Variants in C14orf119 observed in about 807,000 individuals in gnomAD.
C14orf119 encodes chromosome 14 open reading frame 119.
Under a neutral mutation model 13.5 loss-of-function variants are expected in C14orf119, and 17 were observed. The ratio of observed to expected loss-of-function variants is 1.26; its 90% CI spans 0.86 to 1.88. The LOEUF (loss-of-function observed/expected upper bound fraction) is 1.88. Among genes scored for constraint, C14orf119 ranks in the 40% most tolerant of loss-of-function variants. C14orf119 has a pLI of 0.00. For missense variants in C14orf119, 162 were observed against 165.9 expected (o/e 0.98, Z 0.13); for synonymous variants, 61 against 61.9 (o/e 0.99, Z 0.07).
At position 23,098,099 on chromosome 14, in the gene C14orf119, G is replaced by A. The variant is rs775343837; in HGVS notation, c.*18G>A. The A allele has an allele frequency of 2.5e-6, 4 of 1,605,360 alleles. No homozygotes were observed. The highest frequency in any genetic ancestry group is 3.4e-6 in the Non-Finnish European group (4 of 1,174,564). ...AGGACTGATAGGCATTCAGACCAAAGAAGATAACCATAGCTGATGGAGCCA... is the reference window on the plus strand; with the variant it reads ...AGGACTGATAGGCATTCAGACCAAAAAAGATAACCATAGCTGATGGAGCCA... On this transcript the variant is annotated 3_prime_UTR_variant, in exon 2 of 2. Coordinates refer to ENST00000319074, the MANE Select transcript of C14orf119 (RefSeq NM_017924.4).
rs563860488 is a variant in C14orf119, at chr14:23,099,802, A to G, written c.*1721A>G. 14 of 209,398 alleles carry G rather than the reference A, an allele frequency of 6.7e-5. No homozygotes were observed. The highest frequency in any genetic ancestry group is 4.2e-4 in the Admixed American group (7 of 16,562). The allele number at this position is 209,398 out of a possible 1,614,324, so 13.0% of individuals were successfully genotyped here. On this transcript the variant is annotated 3_prime_UTR_variant, in exon 2 of 2. Coordinates refer to ENST00000319074, the MANE Select transcript of C14orf119 (RefSeq NM_017924.4). ...CAAGCATTAAGCTAAACAGGAAATC[A>G]TTAAGAGGGACTATCGAACCTTAAA... is the stretch of plus-strand genomic sequence containing the variant.
In C14orf119 at chr14:23,095,593, C is replaced by A. The variant is rs2048357547; in HGVS notation, c.-28C>A. 2 of 374,800 alleles carry A rather than the reference C, an allele frequency of 5.3e-6. No homozygotes were observed. Among genetic ancestry groups the A allele is most frequent in the Admixed American group, 4.4e-5 (1 of 22,766 alleles). 23.2% of individuals were successfully genotyped at this position (374,800 alleles called of 1,614,324 possible). ...GAGTCTAAGGACTCGTGACAATCTT[C>A]GGGTGCCCTTCGAGAGAAAAGGGGA... is the stretch of plus-strand genomic sequence containing the variant. On this transcript the variant is annotated 5_prime_UTR_variant, in exon 1 of 2. Transcript: ENST00000319074.
In C14orf119 at chr14:23,097,946, A is replaced by G. The variant is rs2048398997; in HGVS notation, c.288A>G (p.Leu96=). 3 of 1,614,194 alleles carry G rather than the reference A, an allele frequency of 1.9e-6. No homozygotes were observed. Among genetic ancestry groups the G allele is most frequent in the Non-Finnish European group, 1.7e-6 (2 of 1,180,016 alleles). The change falls in exon 2 of 2, where the codon CTA becomes CTG. Residue 96 remains leucine, a synonymous_variant. Coordinates refer to ENST00000319074, the MANE Select transcript of C14orf119 (RefSeq NM_017924.4). ...CACCTTCTATCTTTGAGTGCCAGCTACATCTTTGGGATCAGTGGTTTCGAG... is the reference window on the plus strand; with the variant it reads ...CACCTTCTATCTTTGAGTGCCAGCTGCATCTTTGGGATCAGTGGTTTCGAG... ...DRPPSIFECQ[L]HLWDQWFRGW... is the part of the protein sequence containing the mutation.
chr14:23,096,508 CAAA>C (rs61586635), intron 1 of C14orf119, among the ~76,000 whole-genome samples: 34 of 62,654 alleles, frequency 5.4e-4, no homozygotes, highest in South Asian at 4.0e-3. Context: ...GACTCCGTCT[CAAA>C]AAAAAAAAAA....
In C14orf119 at chr14:23,099,248, C is replaced by G. The variant is rs750664641; in HGVS notation, c.*1167C>G. 8 of 413,298 alleles carry G rather than the reference C, an allele frequency of 1.9e-5. No individual in the cohort carries two copies. The highest frequency in any genetic ancestry group is 1.3e-4 in the South Asian group (1 of 7,816). 25.6% of individuals were successfully genotyped at this position (413,298 alleles called of 1,614,324 possible). On this transcript the variant is annotated 3_prime_UTR_variant, in exon 2 of 2. Transcript: ENST00000319074. The stretch of plus-strand genomic sequence containing the variant: ...TCCAGTTGTCTCACAAGAAATTATT[C>G]TCTTCCTTACCCCCTGTCATGTTCT...
At position 23,098,215 on chromosome 14, in the gene C14orf119, A is replaced by G; in HGVS notation, c.*134A>G. The stretch of plus-strand genomic sequence containing the variant: ...CAGCTGACCGAACTCACTGACCAGT[A>G]CAGGCATGGTTATTTCAACATTAAT... On this transcript the variant is annotated 3_prime_UTR_variant, in exon 2 of 2. Transcript: ENST00000319074. 1.2e-6 allele frequency: 1 copy of G among 852,678 alleles called. No individual in the cohort carries two copies. The highest frequency in any genetic ancestry group is 1.8e-6 in the Non-Finnish European group (1 of 547,746). The allele number at this position is 852,678 out of a possible 1,614,324, so 52.8% of individuals were successfully genotyped here.
At position 23,099,366 on chromosome 14, in the gene C14orf119, A is replaced by C; in HGVS notation, c.*1285A>C. On this transcript the variant is annotated 3_prime_UTR_variant, in exon 2 of 2. Coordinates refer to ENST00000319074, the MANE Select transcript of C14orf119 (RefSeq NM_017924.4). ...AAGAGGCAGATGGTCTCACAGGAAG[A>C]GTGGCTCTTTTCTGGTAGGCTGTGG... 2.4e-6 allele frequency: 1 copy of C among 413,432 alleles called. No homozygotes were observed. 25.6% of individuals were successfully genotyped at this position (413,432 alleles called of 1,614,324 possible). A position where few individuals can be genotyped will look rare whatever the true frequency, so the allele number is the denominator to read the frequency against.
Position 23,095,556 on chromosome 14 carries a change from C to T in C14orf119, c.-65C>T, listed in dbSNP as rs1454368317. 6.3e-6 allele frequency: 3 copies of T among 473,332 alleles called. No individual in the cohort carries two copies. The highest frequency in any genetic ancestry group is 5.5e-5 in the South Asian group (2 of 36,042). The allele number at this position is 473,332 out of a possible 1,614,324, so 29.3% of individuals were successfully genotyped here. A position where few individuals can be genotyped will look rare whatever the true frequency, so the allele number is the denominator to read the frequency against. On this transcript the variant is annotated 5_prime_UTR_variant, in exon 1 of 2. Coordinates refer to ENST00000319074, the MANE Select transcript of C14orf119 (RefSeq NM_017924.4). ...GGGTTTTCAGGAAATTTGGAAGCTG[C>T]CGCAGTAGTTGGAGTCTAAGGACTC...
At position 23,098,412 on chromosome 14, in the gene C14orf119, C is replaced by T. The variant is rs989227452; in HGVS notation, c.*331C>T. 1 of 271,874 alleles carries T rather than the reference C, an allele frequency of 3.7e-6. No homozygotes were observed. The highest frequency in any genetic ancestry group is 2.2e-5 in the African/African-American group (1 of 46,472). 16.8% of individuals were successfully genotyped at this position (271,874 alleles called of 1,614,324 possible). Reference sequence around the variant, plus strand: ...CATTGTAACTCAAGTCCACTGCTGGCTCATGAAATGTGTAAAGTAGAACCC... The same window carrying T: ...CATTGTAACTCAAGTCCACTGCTGGTTCATGAAATGTGTAAAGTAGAACCC... On this transcript the variant is annotated 3_prime_UTR_variant, in exon 2 of 2. Coordinates refer to ENST00000319074, the MANE Select transcript of C14orf119 (RefSeq NM_017924.4).
At chr14:23,097,137 C>T (rs772952764) in intron 1 of C14orf119, among the ~76,000 whole-genome samples, 1 of 151,546 alleles carries the variant, frequency 6.6e-6, no homozygotes, top group African/African-American at 2.4e-5. Flanking sequence ...ATTTCAGAGG[C>T]TTATATGCAC....
Position 23,099,130 on chromosome 14 carries a change from C to G in C14orf119, c.*1049C>G, listed in dbSNP as rs1005799973. On this transcript the variant is annotated 3_prime_UTR_variant, in exon 2 of 2. Coordinates refer to ENST00000319074, the MANE Select transcript of C14orf119 (RefSeq NM_017924.4). ...GATCTTTAGAACTGTAAAACTTCAC[C>G]CTTTTTTCATTGCCAGGCTATATAA... 2.4e-5 allele frequency: 10 copies of G among 410,014 alleles called. No individual in the cohort carries two copies. The East Asian group carries it at 3.6e-4, about 15-fold the overall frequency. The allele number at this position is 410,014 out of a possible 1,614,324, so 25.4% of individuals were successfully genotyped here.
intron 1 of C14orf119, among the ~76,000 whole-genome samples, chr14:23,096,814 C>T (rs2030597225): frequency 6.6e-6 from 1 of 152,030 alleles, no homozygotes; most frequent in South Asian, 2.1e-4. Context: ...TGGGCTCAAG[C>T]GATCCTCTTG....
chr14:23,098,177 C>T lies in C14orf119; in HGVS notation c.*96C>T. The T allele has an allele frequency of 7.3e-7, 1 of 1,370,984 alleles. No homozygotes were observed. 84.9% of individuals were successfully genotyped at this position (1,370,984 alleles called of 1,614,324 possible). On this transcript the variant is annotated 3_prime_UTR_variant, in exon 2 of 2. Coordinates refer to ENST00000319074, the MANE Select transcript of C14orf119 (RefSeq NM_017924.4). The stretch of plus-strand genomic sequence containing the variant: ...AAATGTGTCGCCTAAAGCTCTGGAA[C>T]TGGTATTCCAACCAGCTGACCGAAC...
Position 23,097,774 on chromosome 14 carries a change from T to TG in C14orf119, c.117dup (p.Lys40GlufsTer16), listed in dbSNP as rs1291088192. On this transcript the variant is annotated frameshift_variant, in exon 2 of 2. Transcript: ENST00000319074. LOFTEE classifies it high-confidence loss of function. ...ATGTCTTACATCACCTCCCAGGAGA[T>TG]GAAGTGTATTCTTCACTGGTTTGCC... is the stretch of plus-strand genomic sequence containing the variant. 1.9e-6 allele frequency: 3 copies of TG among 1,614,100 alleles called. No individual in the cohort carries two copies. The African/African-American group carries it at 4.0e-5, about 22-fold the overall frequency.
chr14:23,096,670 G>T (rs560579877), intron 1 of C14orf119, among the ~76,000 whole-genome samples: 1 of 151,702 alleles, frequency 6.6e-6, no homozygotes, highest in African/African-American at 2.4e-5. Context: ...TCAACCTCCC[G>T]GGCTCAGGTG....
At chr14:23,096,203 G>A (rs59271966) in intron 1 of C14orf119, among the ~76,000 whole-genome samples, 1,598 of 152,318 alleles carry the variant, frequency 0.01, 21 homozygotes, top group African/African-American at 0.035. Context: ...TGATCTTTCC[G>A]TTGCATTCAT....
intron 1 of C14orf119, among the ~76,000 whole-genome samples, chr14:23,096,508 C>CAAAAAAAA (rs61586635): frequency 3.2e-5 from 2 of 62,676 alleles, no homozygotes; most frequent in African/African-American, 1.6e-4. Flanking sequence ...GACTCCGTCT[C>CAAAAAAAA]AAAAAAAAAA....
intron 1 of C14orf119, among the ~76,000 whole-genome samples, chr14:23,096,613 C>G (rs1378755417): frequency 1.3e-5 from 2 of 150,370 alleles, no homozygotes; most frequent in African/African-American, 4.9e-5. Context: ...TCCCTCCACT[C>G]TGACGCAGGC....
chr14:23,096,025 C>G (rs1220795990), intron 1 of C14orf119, among the ~76,000 whole-genome samples: 1 of 152,214 alleles, frequency 6.6e-6, no homozygotes, highest in Admixed American at 6.5e-5. Flanking sequence ...TTTTTTGGTA[C>G]TTGAACTAAT....
Sources: allele counts gnomAD v4.1 joint callset (sites outside exome capture counted in the v4.1 genomes callset), GRCh38; gene constraint gnomAD v4.1.1; transcripts MANE v1.5; gene names NCBI Gene and HGNC (gene_info 2026-07-23, HGNC 2026-07-21).